LHFPL2: variants seen among roughly 807,000 people sequenced by gnomAD.
LHFPL2 encodes LHFPL tetraspan subfamily member 2, also known as LHFPL tetraspan subfamily member 2 protein.
Under a neutral mutation model 17.5 loss-of-function variants are expected in LHFPL2, and 7 were observed. That is an observed-to-expected ratio of 0.40 (90% CI 0.23 to 0.75). LHFPL2 has a LOEUF of 0.75. Ranked by LOEUF, LHFPL2 falls within the 30% of genes least tolerant of loss-of-function variation. The pLI, the probability that LHFPL2 is intolerant of heterozygous loss-of-function variation, is 0.37. For synonymous variants in LHFPL2, 134 were observed against 116.2 expected (o/e 1.15, Z -0.99); for missense variants, 241 against 294.8 (o/e 0.82, Z 1.34).
At chr5:78,554,031 C>T (rs187719131) in intron 3 of LHFPL2, among the ~76,000 whole-genome samples, 3 of 152,346 alleles carry the variant, frequency 2.0e-5, no homozygotes, top group East Asian at 1.9e-4. Context: ...CAAATTCTTA[C>T]CTCTTTTACA....
chr5:78,549,492 CT>C (rs1756377900), intron 3 of LHFPL2, among the ~76,000 whole-genome samples: 5 of 152,222 alleles, frequency 3.3e-5, no homozygotes, highest in Admixed American at 1.3e-4. Context: ...TATAGGAGTT[CT>C]GGGGCAGGGC....
At chr5:78,540,046 T>G (rs1756064433) in intron 3 of LHFPL2, among the ~76,000 whole-genome samples, 2 of 152,104 alleles carry the variant, frequency 1.3e-5, no homozygotes, top group Non-Finnish European at 2.9e-5. Context: ...TGGCAGAGTG[T>G]GTTACCAATG....
intron 4 of LHFPL2, among the ~76,000 whole-genome samples, chr5:78,490,117 C>A (rs1263844092): frequency 1.3e-5 from 2 of 152,224 alleles, no homozygotes; most frequent in Admixed American, 6.5e-5. Flanking sequence ...AGAGAGTGGA[C>A]ACTAATAAGC....
At chr5:78,572,481 T>A (rs1757024473) in intron 2 of LHFPL2, among the ~76,000 whole-genome samples, 1 of 147,098 alleles carries the variant, frequency 6.8e-6, no homozygotes, top group Non-Finnish European at 1.5e-5. Flanking sequence ...TGTATATATA[T>A]GTGTATATAT....
chr5:78,589,749 G>A (rs552581999), intron 2 of LHFPL2, among the ~76,000 whole-genome samples: 22 of 152,318 alleles, frequency 1.4e-4, no homozygotes, highest in Middle Eastern at 3.4e-3. Context: ...CCATGGGTTG[G>A]CTCCTTGAGG....
Position 78,529,687 on chromosome 5 carries a change from T to A in LHFPL2, c.-185-19289A>T, listed in dbSNP as rs147896740. ...CTCACAGCTTTAAGAACAGAAAGCA[T>A]TACATGACGAGACAGATGAAAGAAT... On this transcript the variant is annotated intron_variant, in intron 3 of 4. Transcript: ENST00000380345. Among the ~76,000 whole-genome samples the A allele has an allele frequency of 1.4e-3, 209 of 152,032 alleles. 2 individuals are homozygous for A. Among genetic ancestry groups the A allele is most frequent in the African/African-American group, 4.8e-3 (201 of 41,512 alleles).
rs1337167761 is a variant in LHFPL2, at chr5:78,488,596, A to ATGAT, written c.*297_*300dup. 1.3e-4 allele frequency: 47 copies of ATGAT among 353,812 alleles called. 1 individual carries two copies. Among genetic ancestry groups the ATGAT allele is most frequent in the South Asian group, 1.3e-3 (39 of 29,620 alleles). 21.9% of individuals were successfully genotyped at this position (353,812 alleles called of 1,614,324 possible). ...CGTTACCAGAGAAACTGCTGCCCTA[A>ATGAT]TGATTTAGATTATTATCCTTCATTG... On this transcript the variant is annotated 3_prime_UTR_variant, in exon 5 of 5. Transcript: ENST00000380345.
chr5:78,596,819 C>G (rs1743842719), intron 2 of LHFPL2, among the ~76,000 whole-genome samples: 1 of 147,440 alleles, frequency 6.8e-6, no homozygotes, highest in East Asian at 2.0e-4. Context: ...AAATACAAAT[C>G]TTCCTTTGAT....
chr5:78,637,737 G>A (rs1000216964), intron 1 of LHFPL2, among the ~76,000 whole-genome samples: 1 of 152,228 alleles, frequency 6.6e-6, no homozygotes, highest in African/African-American at 2.4e-5. Flanking sequence ...AGTAGCAGGG[G>A]AAGCATCACG....
intron 2 of LHFPL2, among the ~76,000 whole-genome samples, chr5:78,605,990 G>A (rs1459176428): frequency 6.6e-6 from 1 of 152,092 alleles, no homozygotes; most frequent in Non-Finnish European, 1.5e-5. Context: ...TCTAATATGA[G>A]GACTGATGAA....
At chr5:78,630,663 T>G (rs1399908564) in intron 2 of LHFPL2, among the ~76,000 whole-genome samples, 1 of 151,940 alleles carries the variant, frequency 6.6e-6, no homozygotes, top group Admixed American at 6.6e-5. Flanking sequence ...AGTGACTACT[T>G]TTACATGGCA....
chr5:78,532,749 T>C (rs1755823522), intron 3 of LHFPL2, among the ~76,000 whole-genome samples: 1 of 151,996 alleles, frequency 6.6e-6, no homozygotes, highest in Non-Finnish European at 1.5e-5. Context: ...ACTTTTTCCA[T>C]CTTATTAACC....
At chr5:78,629,134 A>G in intron 2 of LHFPL2, among the ~76,000 whole-genome samples, 1 of 152,240 alleles carries the variant, frequency 6.6e-6, no homozygotes, top group East Asian at 1.9e-4. Flanking sequence ...ACTCCTATTA[A>G]CTACTTATCC....
intron 2 of LHFPL2, among the ~76,000 whole-genome samples, chr5:78,570,923 T>C (rs1040518518): frequency 3.9e-5 from 6 of 152,006 alleles, no homozygotes; most frequent in African/African-American, 1.2e-4. Flanking sequence ...GCATTCCAAA[T>C]CTAGGCATAA....
At chr5:78,590,440 TA>T (rs1322637361) in intron 2 of LHFPL2, among the ~76,000 whole-genome samples, 4 of 152,264 alleles carry the variant, frequency 2.6e-5, no homozygotes, top group African/African-American at 9.6e-5. Context: ...TGATTTCACA[TA>T]TTTTTTTAAC....
chr5:78,582,133 G>A (rs1337584931), intron 2 of LHFPL2, among the ~76,000 whole-genome samples: 1 of 152,168 alleles, frequency 6.6e-6, no homozygotes, highest in Admixed American at 6.5e-5. Context: ...GATCAGTGGT[G>A]ATACCCCTTT....
intron 4 of LHFPL2, among the ~76,000 whole-genome samples, chr5:78,496,088 C>T (rs1025482708): frequency 1.3e-5 from 2 of 152,222 alleles, no homozygotes; most frequent in African/African-American, 4.8e-5. Context: ...CTCCAACGTA[C>T]ATCCCTCTTG....
rs1388128903 is a variant in LHFPL2, at chr5:78,486,352, T to C, written c.*2545A>G. The C allele has an allele frequency of 2.0e-5, 3 of 151,304 alleles. No homozygotes were observed. The highest frequency in any genetic ancestry group is 7.4e-5 in the African/African-American group (3 of 40,618). The allele number at this position is 151,304 out of a possible 1,614,324, so 9.4% of individuals were successfully genotyped here. On this transcript the variant is annotated 3_prime_UTR_variant, in exon 5 of 5. Coordinates refer to ENST00000380345, the MANE Select transcript of LHFPL2 (RefSeq NM_005779.3). The stretch of plus-strand genomic sequence containing the variant: ...TTCTTTAAGCCAATTTCAGGCAAAA[T>C]AAATAAGACTTTCCTGGTAGTAATA...
chr5:78,538,026 C>T (rs182523641), intron 3 of LHFPL2, among the ~76,000 whole-genome samples: 68 of 152,284 alleles, frequency 4.5e-4, no homozygotes, highest in Admixed American at 3.3e-3. Context: ...ACAGTACTTT[C>T]CCCCACTCAG....
Sources: allele counts gnomAD v4.1 joint callset (sites outside exome capture counted in the v4.1 genomes callset), GRCh38; gene constraint gnomAD v4.1.1; transcripts MANE v1.5; gene names NCBI Gene and HGNC (gene_info 2026-07-23, HGNC 2026-07-21).